The following CFAP299 variants were observed in gnomAD, a reference collection of about 807,000 sequenced individuals.
CFAP299 encodes cilia- and flagella-associated protein 299.
A neutral mutation model predicts 27.0 loss-of-function variants in CFAP299; 21 were observed. That is an observed-to-expected ratio of 0.78 (90% CI 0.55 to 1.12). The LOEUF is 1.12. Among genes scored for constraint, CFAP299 ranks in the 50% most tolerant of loss-of-function variants. The pLI, the probability that CFAP299 is intolerant of heterozygous loss-of-function variation, is 0.00. For missense variants in CFAP299, 310 were observed against 276.6 expected (o/e 1.12, Z -0.86); for synonymous variants, 104 against 98.1 (o/e 1.06, Z -0.36).
chr4:80,787,232 CATA>C (rs1727298478), intron 3 of CFAP299, among the ~76,000 whole-genome samples: 1 of 147,894 alleles, frequency 6.8e-6, no homozygotes, highest in South Asian at 2.1e-4. Context: ...ATATATAAAA[CATA>C]ATATATATAT....
At chr4:80,387,766 G>T in intron 2 of CFAP299, 1 of 1,588,738 alleles carries the variant, frequency 6.3e-7, no homozygotes, top group Non-Finnish European at 8.6e-7. Flanking sequence ...GAAGTTTTTG[G>T]TGAATGACTT....
At chr4:80,470,121 T>G (rs1729917565) in intron 2 of CFAP299, among the ~76,000 whole-genome samples, 1 of 152,078 alleles carries the variant, frequency 6.6e-6, no homozygotes, top group Non-Finnish European at 1.5e-5. Flanking sequence ...CACAGAGTAG[T>G]GAAGAAAAGC....
At chr4:80,402,413 A>G (rs1056661715) in intron 2 of CFAP299, among the ~76,000 whole-genome samples, 3 of 152,190 alleles carry the variant, frequency 2.0e-5, no homozygotes, top group African/African-American at 7.2e-5. Context: ...TATTCTCATG[A>G]TAGCGAATAA....
At chr4:80,596,413 T>C (rs1483467638) in intron 3 of CFAP299, among the ~76,000 whole-genome samples, 1 of 152,200 alleles carries the variant, frequency 6.6e-6, no homozygotes, top group Non-Finnish European at 1.5e-5. Context: ...TGGAGCAATA[T>C]AGAATAATAC....
intron 2 of CFAP299, among the ~76,000 whole-genome samples, chr4:80,499,080 TC>T (rs1346549746): frequency 1.3e-5 from 2 of 151,902 alleles, no homozygotes; most frequent in African/African-American, 4.8e-5. Flanking sequence ...AACAATAGAT[TC>T]CAGGGCCTAC....
chr4:80,729,745 G>A (rs539712815), intron 3 of CFAP299, among the ~76,000 whole-genome samples: 46 of 151,610 alleles, frequency 3.0e-4, no homozygotes, highest in South Asian at 1.0e-3. Context: ...GACTACAGGC[G>A]CCTGCCACCA....
At chr4:80,799,578 TAAAATATATTATATA>T (rs1728161683) in intron 3 of CFAP299, among the ~76,000 whole-genome samples, 2 of 70,810 alleles carry the variant, frequency 2.8e-5, no homozygotes, top group Non-Finnish European at 4.7e-5. Context: ...TATATATTTA[TAAAATATATTATATA>T]AAATATATAT....
intron 3 of CFAP299, among the ~76,000 whole-genome samples, chr4:80,692,677 A>G (rs917728679): frequency 7.9e-5 from 12 of 152,186 alleles, no homozygotes; most frequent in Non-Finnish European, 1.5e-4. Flanking sequence ...AATGGCAACC[A>G]AAGACAAAAT....
At chr4:80,612,878 G>T (rs1176047852) in intron 3 of CFAP299, among the ~76,000 whole-genome samples, 5 of 152,082 alleles carry the variant, frequency 3.3e-5, no homozygotes, top group Non-Finnish European at 5.9e-5. Flanking sequence ...TAACAAGTTT[G>T]ATTGTCTGTT....
At chr4:80,800,484 A>G (rs9686001) in intron 3 of CFAP299, among the ~76,000 whole-genome samples, 2 of 2,188 alleles carry the variant, frequency 9.1e-4, no homozygotes, top group East Asian at 0.077. Flanking sequence ...TATATTATAT[A>G]ATATATAATA....
intron 2 of CFAP299, among the ~76,000 whole-genome samples, chr4:80,454,921 A>C (rs1418331537): frequency 6.6e-6 from 1 of 152,086 alleles, no homozygotes; most frequent in African/African-American, 2.4e-5. Flanking sequence ...AATCATAGGG[A>C]GTTGAAGCCT....
intron 3 of CFAP299, among the ~76,000 whole-genome samples, chr4:80,799,717 TTATATTTTATAA>T (rs1728215136): frequency 5.4e-5 from 3 of 55,202 alleles, no homozygotes; most frequent in Non-Finnish European, 8.7e-5. Flanking sequence ...ATTTTATATA[TTATATTTTATAA>T]ATATATATAT....
chr4:80,550,775 ACACACACACG>A (rs965185935), intron 2 of CFAP299, among the ~76,000 whole-genome samples: 4 of 151,738 alleles, frequency 2.6e-5, no homozygotes, highest in Non-Finnish European at 2.9e-5. Context: ...ACACACACAC[ACACACACACG>A]CACACACACA....
chr4:80,552,997 ATT>A (rs200133458), intron 2 of CFAP299, among the ~76,000 whole-genome samples: 1 of 146,168 alleles, frequency 6.8e-6, no homozygotes, highest in East Asian at 2.0e-4. Flanking sequence ...CAATAGGTTT[ATT>A]TTTTTTTTTT....
rs557378948 is a variant in CFAP299 at position 80,363,516 on chromosome 4, G to A, written c.242+632G>A. Among the ~76,000 whole-genome samples, 6 of 152,098 alleles carry A rather than the reference G, an allele frequency of 3.9e-5. No individual in the cohort carries two copies. In the South Asian group the frequency reaches 1.2e-3, roughly 32 times the overall value. ...TGGATCATTAAAGTATAAATGTTGGGGAGGATAATTACTTAGAAATCAGTA... is the reference window on the plus strand; with the variant it reads ...TGGATCATTAAAGTATAAATGTTGGAGAGGATAATTACTTAGAAATCAGTA... On this transcript the variant is annotated intron_variant, in intron 2 of 5. Transcript: ENST00000358105.
chr4:80,474,127 A>G (rs1730155033), intron 2 of CFAP299, among the ~76,000 whole-genome samples: 1 of 152,212 alleles, frequency 6.6e-6, no homozygotes, highest in Non-Finnish European at 1.5e-5. Flanking sequence ...TGAGAATAAG[A>G]AAAATGTTTT....
intron 2 of CFAP299, among the ~76,000 whole-genome samples, chr4:80,472,123 A>G (rs1284930366): frequency 6.6e-6 from 1 of 152,220 alleles, no homozygotes; most frequent in Non-Finnish European, 1.5e-5. Context: ...GAACTTTTAG[A>G]AAGGGGGCAG....
intron 3 of CFAP299, among the ~76,000 whole-genome samples, chr4:80,658,710 T>C (rs1396384592): frequency 6.6e-6 from 1 of 152,220 alleles, no homozygotes; most frequent in East Asian, 1.9e-4. Flanking sequence ...CTCTCTCAGA[T>C]AGTAAGAATA....
At chr4:80,593,115 G>T (rs1338027533) in intron 3 of CFAP299, among the ~76,000 whole-genome samples, 1 of 152,168 alleles carries the variant, frequency 6.6e-6, no homozygotes, top group African/African-American at 2.4e-5. Flanking sequence ...TCACAGGGTT[G>T]TTCTGTGTAT....
Sources: gnomAD v4.1 joint callset for allele counts (sites outside exome capture counted in the v4.1 genomes callset) on GRCh38, gnomAD v4.1.1 for gene constraint, MANE v1.5 for transcripts, NCBI Gene and HGNC (gene_info 2026-07-23, HGNC 2026-07-21) for gene names.